Variants in MYO19 observed in about 807,000 individuals in gnomAD.
MYO19 encodes unconventional myosin-XIX.
In MYO19, 132 loss-of-function variants were observed where a neutral mutation model predicts 129.2. That is an observed-to-expected ratio of 1.02 (90% confidence interval 0.89 to 1.18). The LOEUF is 1.18. MYO19 is among the 50% of genes most tolerant of loss of function. The pLI is 0.00. For missense variants in MYO19, 1,210 were observed against 1,216.7 expected (o/e 0.99, Z 0.08); for synonymous variants, 531 against 477.2 (o/e 1.11, Z -1.47).
chr17:36,501,898 G>T (rs1445773273), intron 21 of MYO19: 1 of 152,446 alleles, frequency 6.6e-6, no homozygotes, highest in African/African-American at 2.4e-5. Flanking sequence ...TCTGAAGACA[G>T]AGGCTGCCAA....
At chr17:36,522,490 G>A (rs942865535) in intron 6 of MYO19, among the ~76,000 whole-genome samples, 5 of 151,000 alleles carry the variant, frequency 3.3e-5, no homozygotes, top group Non-Finnish European at 5.9e-5. Flanking sequence ...CAGCCTAGGC[G>A]ACAGTGCGAG....
At chr17:36,510,605 TGAG>T (rs961531567) in intron 13 of MYO19, 138 bp downstream of exon 13, 1 of 906,438 alleles carries the variant, frequency 1.1e-6, no homozygotes, top group Non-Finnish European at 1.6e-6. Context: ...TCCAGGGGTT[TGAG>T]GAGCAGGGAG....
intron 5 of MYO19, 129 bp from the exon 6 acceptor site, chr17:36,525,470 T>C (rs1010710979): frequency 2.6e-5 from 18 of 684,068 alleles, no homozygotes; most frequent in African/African-American, 2.1e-4. Flanking sequence ...AAAAATTTTC[T>C]GGATGTCACA....
chr17:36,502,209 T>C (rs2071581811), intron 21 of MYO19, among the ~76,000 whole-genome samples: 1 of 152,138 alleles, frequency 6.6e-6, no homozygotes, highest in Non-Finnish European at 1.5e-5. Flanking sequence ...CTGGGCCCTG[T>C]GGCTCCCACA....
chr17:36,525,140 C>T, intron 6 of MYO19, 88 bp downstream of exon 6: 3 of 969,226 alleles, frequency 3.1e-6, no homozygotes, highest in Non-Finnish European at 4.9e-6. Context: ...AAGCAAACAA[C>T]TCCACAAGGA....
chr17:36,518,552 ATGTGTATGTG>A (rs2072939261), intron 6 of MYO19, among the ~76,000 whole-genome samples: 3 of 78,902 alleles, frequency 3.8e-5, no homozygotes, highest in East Asian at 3.2e-4. Context: ...ATATATATAT[ATGTGTATGTG>A]TATATATATG....
At chr17:36,520,522 G>GT (rs962201563) in intron 6 of MYO19, among the ~76,000 whole-genome samples, 54 of 151,670 alleles carry the variant, frequency 3.6e-4, no homozygotes, top group Middle Eastern at 3.4e-3. Flanking sequence ...TTATACGTGG[G>GT]TTTTTTTTCA....
intron 13 of MYO19, among the ~76,000 whole-genome samples, chr17:36,510,345 AAGGCACAGGGAGACAGAG>A (rs2072230446): frequency 6.6e-6 from 1 of 152,206 alleles, no homozygotes. Context: ...GTGATGTACA[AAGGCACAGGGAGACAGAG>A]AGGCCCATTC....
Position 36,528,074 on chromosome 17 carries a change from T to C in MYO19, c.141A>G (p.Thr47=). The C allele has an allele frequency of 6.2e-7, 1 of 1,613,404 alleles. No individual in the cohort carries two copies. The highest frequency in any genetic ancestry group is 1.3e-5 in the African/African-American group (1 of 75,046). The part of the protein sequence containing the change: ...LDDLTRVNPV[T]LETVLRCLQA... The stretch of plus-strand genomic sequence containing the variant: ...ATGGGAGGCCCATACCTGTCTCTAG[T>C]GTCACAGGATTCACCCTGGTGAGGT... The change falls in exon 4 of 26, where the codon ACA becomes ACG. Residue 47 remains threonine, a synonymous_variant. Coordinates refer to ENST00000614623, the MANE Select transcript of MYO19 (RefSeq NM_001163735.2).
chr17:36,498,249 C>T lies in MYO19; in HGVS notation c.2757+17G>A. On this transcript the variant is annotated intron_variant, in intron 25 of 25. Transcript: ENST00000614623. Reference sequence around the variant, plus strand: ...TTCTCAGGAACAAAGCTGTCATGGCCATCACACACAACGTACCTGAGGCAG... The same window carrying T: ...TTCTCAGGAACAAAGCTGTCATGGCTATCACACACAACGTACCTGAGGCAG... 1 of 1,599,844 alleles carries T rather than the reference C, an allele frequency of 6.3e-7. No homozygotes were observed. Among genetic ancestry groups the T allele is most frequent in the Non-Finnish European group, 8.5e-7 (1 of 1,171,668 alleles).
intron 14 of MYO19, chr17:36,508,237 A>G: frequency 4.1e-6 from 1 of 241,142 alleles, no homozygotes; most frequent in Non-Finnish European, 7.9e-6. Context: ...GGCACCTCCT[A>G]TGAGGAAACC....
intron 5 of MYO19, among the ~76,000 whole-genome samples, chr17:36,526,921 T>C (rs2073503453): frequency 6.6e-6 from 1 of 152,104 alleles, no homozygotes; most frequent in Non-Finnish European, 1.5e-5. Flanking sequence ...GGCTCACACC[T>C]GTAATTCCAG....
At chr17:36,511,942 G>C (rs1292429116) in intron 11 of MYO19, among the ~76,000 whole-genome samples, 1 of 152,124 alleles carries the variant, frequency 6.6e-6, no homozygotes, top group Non-Finnish European at 1.5e-5. Flanking sequence ...CTGTGACCTT[G>C]GTCTGTGTCC....
intron 16 of MYO19, 119 bp from the exon 17 acceptor site, chr17:36,507,258 A>G: frequency 6.8e-7 from 1 of 1,463,496 alleles, no homozygotes; most frequent in Non-Finnish European, 9.3e-7. Context: ...TAGTGTCCCC[A>G]ACAGAAAAAA....
chr17:36,502,292 G>C (rs2071589220), intron 21 of MYO19, among the ~76,000 whole-genome samples: 2 of 152,304 alleles, frequency 1.3e-5, no homozygotes, highest in South Asian at 4.1e-4. Flanking sequence ...ACTAAAGCCT[G>C]CCTAAGTGCC....
chr17:36,507,017 C>T lies in MYO19; in HGVS notation c.1590G>A (p.Val530=), dbSNP rs1310731422. 2 of 1,613,386 alleles carry T rather than the reference C, an allele frequency of 1.2e-6. No homozygotes were observed. The highest frequency in any genetic ancestry group is 1.7e-6 in the Non-Finnish European group (2 of 1,179,564). The stretch of plus-strand genomic sequence containing the variant: ...GGTACCGCACAGGCCCCGCATAATG[C>T]ACCACAATGAAGCTGGGCTCCCGGC... The part of the protein sequence containing the change: ...KLSREPSFIV[V]HYAGPVRYHT... Residue 530 remains valine (V), a synonymous_variant, in exon 17 of 26, where the codon GTG becomes GTA. Transcript: ENST00000614623.
At chr17:36,511,681 A>G (rs982172338) in intron 11 of MYO19, among the ~76,000 whole-genome samples, 2 of 152,166 alleles carry the variant, frequency 1.3e-5, no homozygotes, top group African/African-American at 4.8e-5. Flanking sequence ...CCTATGATAG[A>G]GATGAGACTG....
intron 8 of MYO19, 81 bp from the exon 9 acceptor site, chr17:36,514,629 C>T: frequency 1.1e-6 from 1 of 935,378 alleles, no homozygotes; most frequent in Admixed American, 2.0e-5. Context: ...TGCCAGATTG[C>T]CTGCTACCTG....
chr17:36,515,978 G>T lies in MYO19; in HGVS notation c.427C>A (p.Arg143Ser), dbSNP rs1195164407. Reference sequence around the variant, plus strand: ...ACAGCATAGAACTTCATTAGGCAGCGAGACGTCCATGTCTGTGGCAGAAAC... The same window carrying T: ...ACAGCATAGAACTTCATTAGGCAGCTAGACGTCCATGTCTGTGGCAGAAAC... ...ESGAGKTWTS[R>S]CLMKFYAVVA... Residue 143 changes from arginine to serine, a missense_variant, in exon 7 of 26, where the codon CGC (arginine) becomes AGC (serine). Transcript: ENST00000614623. 2 of 1,611,960 alleles carry T rather than the reference G, an allele frequency of 1.2e-6. No individual in the cohort carries two copies. The highest frequency in any genetic ancestry group is 8.5e-7 in the Non-Finnish European group (1 of 1,179,212).
Sources: gnomAD v4.1 joint callset for allele counts (sites outside exome capture counted in the v4.1 genomes callset) on GRCh38, gnomAD v4.1.1 for gene constraint, MANE v1.5 for transcripts, NCBI Gene and HGNC (gene_info 2026-07-23, HGNC 2026-07-21) for gene names.